TRIM49C: variants seen among roughly 807,000 people sequenced by gnomAD.
TRIM49C encodes the protein tripartite motif containing 49C.
Under a neutral mutation model 21.4 loss-of-function variants are expected in TRIM49C, and 6 were observed. The ratio of observed to expected loss-of-function variants is 0.28; its 90% confidence interval spans 0.15 to 0.55. The LOEUF (loss-of-function observed/expected upper bound fraction) is 0.55, where lower values mean the gene tolerates loss of function less well. Among genes scored for constraint, TRIM49C ranks in the 20% least tolerant of loss-of-function variants. The pLI is 0.94. For synonymous variants in TRIM49C, 57 were observed against 148.1 expected (o/e 0.38, Z 4.47); for missense variants, 161 against 442.4 (o/e 0.36, Z 5.71).
In TRIM49C at chr11:90,040,849, CA is replaced by C. The variant is rs530845863; in HGVS notation, c.860-192del. ...ATTTGGCTCTCAATATGTAAGTTTTCAAAAAAAAAACATAATATCTGTGGTT... is the reference window on the plus strand; with the variant it reads ...ATTTGGCTCTCAATATGTAAGTTTTCAAAAAAAAACATAATATCTGTGGTT... On this transcript the variant is annotated intron_variant, in intron 7 of 7. Coordinates refer to ENST00000448984, the MANE Select transcript of TRIM49C (RefSeq NM_001195234.1). Among the ~76,000 whole-genome samples the C allele has an allele frequency of 1.2e-3, 164 of 132,338 alleles. No homozygotes were observed. The Middle Eastern group carries it at 0.012, about 10-fold the overall frequency. 86.8% of individuals were successfully genotyped at this position (132,338 alleles called of 152,430 possible).
chr11:90,071,709 C>A, the TRIM49C span: 3 of 1,269,142 alleles, frequency 2.4e-6, 1 homozygote, highest in South Asian at 3.8e-5. Flanking sequence ...TGAGTCCGTG[C>A]TGCTGCACAT....
chr11:90,071,815 G>C, the TRIM49C span: 2 of 889,742 alleles, frequency 2.2e-6, no homozygotes, highest in Non-Finnish European at 3.4e-6. Flanking sequence ...CCTCTTGGTG[G>C]GATCAACATG....
downstream of TRIM49C, among the ~76,000 whole-genome samples, chr11:90,043,221 T>C (rs553101769): frequency 1.4e-3 from 197 of 145,204 alleles, no homozygotes; most frequent in African/African-American, 4.8e-3. Context: ...GGCCAGGAGT[T>C]CCAGACCAGT....
the TRIM49C span, among the ~76,000 whole-genome samples, chr11:90,057,075 C>T: frequency 1.4e-5 from 2 of 145,428 alleles, no homozygotes; most frequent in Non-Finnish European, 3.0e-5. Flanking sequence ...TTACAGTGTG[C>T]ACAAACTGAA....
chr11:90,056,357 T>C, the TRIM49C span, among the ~76,000 whole-genome samples: 3 of 121,178 alleles, frequency 2.5e-5, no homozygotes, highest in African/African-American at 5.8e-5. Context: ...TAAATTTATA[T>C]GTCAGTTTAA....
chr11:90,036,768 A>G lies in TRIM49C; in HGVS notation c.507+785A>G, dbSNP rs1950730380. Among the ~76,000 whole-genome samples the G allele has an allele frequency of 1.4e-5, 2 of 138,450 alleles. 1 individual carries two copies. The highest frequency in any genetic ancestry group is 3.1e-5 in the Non-Finnish European group (2 of 64,026). 90.8% of individuals were successfully genotyped at this position (138,450 alleles called of 152,430 possible). A position where few individuals can be genotyped will look rare whatever the true frequency, so the allele number is the denominator to read the frequency against. ...GAAAGGAAGCACCTTTGTCCTCACA[A>G]ATCATACAATCCAAATAAGAGAGTC... On this transcript the variant is annotated intron_variant, in intron 4 of 7. Coordinates refer to ENST00000448984, the MANE Select transcript of TRIM49C (RefSeq NM_001195234.1).
the TRIM49C span, among the ~76,000 whole-genome samples, chr11:90,055,569 A>C: frequency 6.6e-6 from 1 of 151,680 alleles, no homozygotes; most frequent in Non-Finnish European, 1.5e-5. Context: ...TTTTGAGTGT[A>C]AACAGCATTC....
At chr11:90,068,019 CA>C in the TRIM49C span, among the ~76,000 whole-genome samples, 4 of 105,018 alleles carry the variant, frequency 3.8e-5, no homozygotes, top group Middle Eastern at 0.013. Context: ...AAATATAGGT[CA>C]AAAGCTTTAA....
downstream of TRIM49C, chr11:90,042,111 T>C (rs1294178294): frequency 1.5e-5 from 2 of 135,398 alleles, no homozygotes; most frequent in African/African-American, 5.8e-5. Context: ...CTCGTCTACA[T>C]TGAAATACAC....
At chr11:90,037,287 C>G (rs1253867033) in intron 4 of TRIM49C, among the ~76,000 whole-genome samples, 1 of 132,660 alleles carries the variant, frequency 7.5e-6, no homozygotes, top group Non-Finnish European at 1.6e-5. Flanking sequence ...ATCATAAATG[C>G]AGCCTTATTA....
chr11:90,053,872 CATT>C, the TRIM49C span: 1 of 144,280 alleles, frequency 6.9e-6, no homozygotes, highest in Non-Finnish European at 1.5e-5. Flanking sequence ...CCTTCTTTTA[CATT>C]ATTAAGTTTG....
intron 6 of TRIM49C, among the ~76,000 whole-genome samples, chr11:90,039,124 T>C (rs1464369825): frequency 7.5e-6 from 1 of 133,438 alleles, no homozygotes; most frequent in Non-Finnish European, 1.6e-5. Context: ...TTTCACCATG[T>C]TAGCCAGGAT....
the TRIM49C span, chr11:90,057,822 A>T: frequency 6.0e-5 from 75 of 1,254,020 alleles, 20 homozygotes; most frequent in South Asian, 8.8e-4. Context: ...TGAGGAAATT[A>T]AAAAAAATCT....
At chr11:90,039,675 G>T (rs1186058513) in intron 6 of TRIM49C, among the ~76,000 whole-genome samples, 190 bp from the exon 7 acceptor site, 3 of 135,404 alleles carry the variant, frequency 2.2e-5, no homozygotes, top group Non-Finnish European at 4.8e-5. Context: ...TTGGATTCTG[G>T]CTTAGATTCT....
the TRIM49C span, among the ~76,000 whole-genome samples, chr11:90,070,819 CAG>C: frequency 7.1e-6 from 1 of 141,576 alleles, no homozygotes; most frequent in African/African-American, 2.5e-5. Flanking sequence ...TGTTTTGAGA[CAG>C]AGTCTTCTGT....
chr11:90,048,601 T>C, the TRIM49C span, among the ~76,000 whole-genome samples: 1 of 134,130 alleles, frequency 7.5e-6, no homozygotes, highest in Non-Finnish European at 1.6e-5. Context: ...TCTCCTGCCA[T>C]GGTTTTCACC....
chr11:90,046,973 G>T (rs1950804577), downstream of TRIM49C, among the ~76,000 whole-genome samples: 1 of 124,194 alleles, frequency 8.1e-6, no homozygotes, highest in Non-Finnish European at 1.6e-5. Context: ...TTGTGTCTTT[G>T]TTCTCGTTGG....
chr11:90,062,259 T>A, the TRIM49C span, among the ~76,000 whole-genome samples: 2 of 131,442 alleles, frequency 1.5e-5, 1 homozygote, highest in Non-Finnish European at 3.2e-5. Flanking sequence ...TAAGGGACCC[T>A]TCAGATAATA....
chr11:90,072,452 C>T, the TRIM49C span, among the ~76,000 whole-genome samples: 2 of 144,806 alleles, frequency 1.4e-5, no homozygotes, highest in Non-Finnish European at 3.0e-5. Context: ...CAGATTTTCT[C>T]TTTAAGTATG....
Sources: gnomAD v4.1 joint callset for allele counts (sites outside exome capture counted in the v4.1 genomes callset) on GRCh38, gnomAD v4.1.1 for gene constraint, MANE v1.5 for transcripts, NCBI Gene and HGNC (gene_info 2026-07-23, HGNC 2026-07-21) for gene names.